The following ATIC variants were observed in gnomAD, a reference collection of about 807,000 sequenced individuals.
ATIC encodes bifunctional purine biosynthesis protein ATIC.
ATIC carries 64 observed loss-of-function variants against 72.5 expected under a neutral mutation model. That is an observed-to-expected ratio of 0.88 (90% CI 0.72 to 1.09). The LOEUF (loss-of-function observed/expected upper bound fraction) is 1.09, where lower values mean the gene tolerates loss of function less well. Among genes scored for constraint, ATIC ranks in the 50% least tolerant of loss-of-function variants. The pLI, the probability that ATIC is intolerant of heterozygous loss-of-function variation, is 0.00. For missense variants in ATIC, 787 were observed against 732.4 expected (o/e 1.07, Z -0.86); for synonymous variants, 281 against 267.1 (o/e 1.05, Z -0.51).
At chr2:215,364,974 A>G in the ATIC span, 1 of 1,573,014 alleles carries the variant, frequency 6.4e-7, no homozygotes, top group Non-Finnish European at 8.6e-7. Context: ...TCATCATAAC[A>G]CGTTGCCTCA....
At chr2:215,319,119 G>A (rs556551119) in intron 3 of ATIC, among the ~76,000 whole-genome samples, 3 of 152,174 alleles carry the variant, frequency 2.0e-5, no homozygotes, top group African/African-American at 4.8e-5. Context: ...GGGCTCAAGC[G>A]ATCCCCCACC....
At chr2:215,321,180 T>TAA (rs1381653623) in intron 4 of ATIC, among the ~76,000 whole-genome samples, 1 of 152,220 alleles carries the variant, frequency 6.6e-6, no homozygotes, top group African/African-American at 2.4e-5. Context: ...CACCAATTGT[T>TAA]ACGTGTCTGA....
downstream of ATIC, among the ~76,000 whole-genome samples, chr2:215,351,661 TAAGTG>T (rs1335905526): frequency 1.3e-5 from 2 of 152,170 alleles, no homozygotes; most frequent in African/African-American, 4.8e-5. Context: ...GAAGAATAAA[TAAGTG>T]GAGAATATGC....
chr2:215,342,609 CTG>C (rs2053031116), intron 12 of ATIC, among the ~76,000 whole-genome samples: 1 of 152,172 alleles, frequency 6.6e-6, no homozygotes, highest in Non-Finnish European at 1.5e-5. Flanking sequence ...AACCACAAAT[CTG>C]TTTTTCCTTT....
chr2:215,342,477 C>T (rs181440730), intron 12 of ATIC, among the ~76,000 whole-genome samples: 1 of 152,270 alleles, frequency 6.6e-6, no homozygotes, highest in African/African-American at 2.4e-5. Context: ...GTTCCACAAC[C>T]ATGCCATTGA....
intron 2 of ATIC, 102 bp downstream of exon 2, chr2:215,312,726 G>A (rs2052667685): frequency 5.8e-6 from 9 of 1,550,700 alleles, no homozygotes; most frequent in Non-Finnish European, 8.8e-7. Context: ...ACTCCTCCCA[G>A]TAGCGCTGTG....
chr2:215,347,256 T>C (rs1463313822), intron 14 of ATIC: 2 of 399,646 alleles, frequency 5.0e-6, no homozygotes, highest in Non-Finnish European at 9.5e-6. Flanking sequence ...GCTTTTCACC[T>C]ACGTCGAGGT....
chr2:215,362,189 T>G, the ATIC span: 1 of 755,550 alleles, frequency 1.3e-6, no homozygotes, highest in Non-Finnish European at 2.3e-6. Flanking sequence ...TGGCAAAATA[T>G]AAGCAGTTAA....
chr2:215,365,405 G>C, the ATIC span: 1 of 1,292,154 alleles, frequency 7.7e-7, no homozygotes, highest in Non-Finnish European at 1.1e-6. Context: ...TCCTCAAGGA[G>C]ACCTAAAGTC....
At chr2:215,347,683 A>G (rs1575126704) in intron 14 of ATIC, 1 of 483,458 alleles carries the variant, frequency 2.1e-6, no homozygotes. Context: ...GAAGTCCTTA[A>G]GATATCTTTT....
chr2:215,342,917 G>C (rs2053035067), intron 12 of ATIC, among the ~76,000 whole-genome samples: 1 of 152,168 alleles, frequency 6.6e-6, no homozygotes, highest in Admixed American at 6.5e-5. Flanking sequence ...TGACTCAGGT[G>C]ATCTACCCGC....
chr2:215,327,338 G>A (rs2052840167), intron 7 of ATIC, among the ~76,000 whole-genome samples: 1 of 152,162 alleles, frequency 6.6e-6, no homozygotes, highest in Non-Finnish European at 1.5e-5. Flanking sequence ...AAGAAAAGTT[G>A]TGAAATTCCA....
downstream of ATIC, among the ~76,000 whole-genome samples, chr2:215,352,055 A>G (rs569281089): frequency 6.6e-6 from 1 of 152,204 alleles, no homozygotes; most frequent in African/African-American, 2.4e-5. Flanking sequence ...AGAAACTTTC[A>G]TGCCTAGAAG....
chr2:215,336,495 A>T (rs1256963403), intron 11 of ATIC, among the ~76,000 whole-genome samples: 2 of 152,240 alleles, frequency 1.3e-5, no homozygotes, highest in Non-Finnish European at 2.9e-5. Flanking sequence ...TAAAATACTA[A>T]TAATAGTAAC....
chr2:215,333,474 T>C lies in ATIC; in HGVS notation c.922+17T>C. On this transcript the variant is annotated intron_variant, in intron 9 of 15. Coordinates refer to ENST00000236959, the MANE Select transcript of ATIC (RefSeq NM_004044.7). Reference sequence around the variant, plus strand: ...GAGCAAGAGGTCAGACTCATAGGGCTTTTTGATTTGGGGGAGAAAGAAAAA... The same window carrying C: ...GAGCAAGAGGTCAGACTCATAGGGCCTTTTGATTTGGGGGAGAAAGAAAAA... 6.2e-7 allele frequency: 1 copy of C among 1,602,746 alleles called. No individual in the cohort carries two copies.
At chr2:215,341,221 T>C (rs1056041854) in intron 12 of ATIC, among the ~76,000 whole-genome samples, 6 of 152,228 alleles carry the variant, frequency 3.9e-5, no homozygotes, top group Admixed American at 1.3e-4. Flanking sequence ...CATGTAGGCA[T>C]TATACATAGA....
rs1559263723 is a variant in ATIC, at chr2:215,312,131, GT to G, written c.-11del. The G allele has an allele frequency of 1.3e-6, 2 of 1,528,118 alleles. No homozygotes were observed. Among genetic ancestry groups the G allele is most frequent in the Non-Finnish European group, 1.7e-6 (2 of 1,144,112 alleles). 94.7% of individuals were successfully genotyped at this position (1,528,118 alleles called of 1,614,324 possible). A position where few individuals can be genotyped will look rare whatever the true frequency, so the allele number is the denominator to read the frequency against. On this transcript the variant is annotated 5_prime_UTR_variant, in exon 1 of 16. Transcript: ENST00000236959. ...CTGCCTCCCGCTCGCCCTGAACCCA[GT>G]GCCTGCAGCCATGGCTCCCGGCCAG...
chr2:215,349,118 G>C lies in ATIC; in HGVS notation c.1528G>C (p.Ala510Pro), dbSNP rs150270007. ...GGATGAAGATTTGATAAAGTGGAAGGCACTGTTTGAGGAAGTCCCTGAGTT... is the reference window on the plus strand; with the variant it reads ...GGATGAAGATTTGATAAAGTGGAAGCCACTGTTTGAGGAAGTCCCTGAGTT... ...GEDEDLIKWKALFEEVPELLT... is the reference protein window; with the variant it reads ...GEDEDLIKWKPLFEEVPELLT... The change falls in exon 15 of 16, where the codon GCA becomes CCA. Residue 510 changes from alanine to proline, a missense_variant. Transcript: ENST00000236959. The C allele has an allele frequency of 6.2e-7, 1 of 1,613,914 alleles. No individual in the cohort carries two copies. Among genetic ancestry groups the C allele is most frequent in the African/African-American group, 1.3e-5 (1 of 74,898 alleles).
chr2:215,336,054 C>A lies in ATIC; in HGVS notation c.1028C>A (p.Ala343Asp), dbSNP rs772232912. Residue 343 changes from alanine to aspartate, a missense_variant, in exon 11 of 16, where the codon GCC (alanine) becomes GAC (aspartate). Ala to Asp is a moderately radical substitution (Grantham distance 126). Coordinates refer to ENST00000236959, the MANE Select transcript of ATIC (RefSeq NM_004044.7). Reference protein sequence around the residue: ...ISREVSDGIIAPGYEEEALTI... With the variant: ...ISREVSDGIIDPGYEEEALTI... ...TTGCAGGTATCTGATGGTATAATTGCCCCAGGATATGAAGAAGAAGCCTTG... is the reference window on the plus strand; with the variant it reads ...TTGCAGGTATCTGATGGTATAATTGACCCAGGATATGAAGAAGAAGCCTTG... The A allele has an allele frequency of 2.5e-6, 4 of 1,611,350 alleles. No homozygotes were observed. The highest frequency in any genetic ancestry group is 3.4e-6 in the Non-Finnish European group (4 of 1,178,520).
Sources: gnomAD v4.1 joint callset for allele counts (sites outside exome capture counted in the v4.1 genomes callset) on GRCh38, gnomAD v4.1.1 for gene constraint, MANE v1.5 for transcripts, NCBI Gene and HGNC (gene_info 2026-07-23, HGNC 2026-07-21) for gene names.